The following FAAP20 variants were observed in gnomAD, a reference collection of about 807,000 sequenced individuals.
FAAP20 encodes the protein Fanconi anemia core complex-associated protein 20.
In FAAP20, 12 loss-of-function variants were observed where a neutral mutation model predicts 16.2. The ratio of observed to expected loss-of-function variants is 0.74; its 90% CI spans 0.48 to 1.20. The LOEUF (loss-of-function observed/expected upper bound fraction) is 1.20, where lower values mean the gene tolerates loss of function less well. FAAP20 is among the 50% of genes most tolerant of loss of function. The pLI, the probability that FAAP20 is intolerant of heterozygous loss-of-function variation, is 0.00. For missense variants in FAAP20, 288 were observed against 245.8 expected, an observed-to-expected ratio of 1.17 and a Z score of -1.15; for synonymous variants, 141 against 110.7, an observed-to-expected ratio of 1.27 and a Z score of -1.72.
chr1:2,208,119 C>A (rs568274225), downstream of FAAP20, among the ~76,000 whole-genome samples: 1 of 152,200 alleles, frequency 6.6e-6, no homozygotes, highest in Non-Finnish European at 1.5e-5. Context: ...GGAGGCTCAG[C>A]CCCTGCCTGG....
At chr1:2,203,525 G>T, upstream of FAAP20, 6 of 985,818 alleles carry the variant, frequency 6.1e-6, no homozygotes, top group Non-Finnish European at 7.2e-6. Context: ...CACCTGACAG[G>T]GAAGGTAGGC....
chr1:2,199,685 C>T (rs565469141), upstream of FAAP20: 1 of 957,064 alleles, frequency 1.0e-6, no homozygotes, highest in East Asian at 1.2e-4. The surrounding 1 kb of genome is among the most constrained non-coding windows in gnomAD (Gnocchi z 4.5). Flanking sequence ...AAAGTGGCCT[C>T]GCTCGGAAGC....
chr1:2,207,342 TG>T (rs889251190), downstream of FAAP20, among the ~76,000 whole-genome samples: 1 of 152,096 alleles, frequency 6.6e-6, no homozygotes, highest in African/African-American at 2.4e-5. Context: ...TAACTGGAGC[TG>T]GGAGAGGCTG....
At chr1:2,206,648 A>G (rs1355908475) in exon 2 of FAAP20, 8 of 152,264 alleles carry the variant, frequency 5.3e-5, no homozygotes, top group African/African-American at 1.7e-4. Flanking sequence ...CCTGGCTAAC[A>G]CGGTGAAACC....
At chr1:2,198,992 G>A, upstream of FAAP20, 1 of 1,282,962 alleles carries the variant, frequency 7.8e-7, no homozygotes, top group South Asian at 1.2e-5. Flanking sequence ...CACACATGGG[G>A]TGCAAGAGTA....
chr1:2,199,596 G>A (rs1329974420), upstream of FAAP20: 4 of 985,612 alleles, frequency 4.1e-6, no homozygotes, highest in Non-Finnish European at 3.6e-6. This position sits in a 1 kb window ranked among gnomAD's most constrained non-coding sequence, Gnocchi z 4.5. Context: ...TCTGGGGAAG[G>A]CAAGTCACAG....
At chr1:2,190,678 C>T (rs1688116821) in intron 3 of FAAP20, 1 of 338,478 alleles carries the variant, frequency 3.0e-6, no homozygotes, top group Admixed American at 3.8e-5. Flanking sequence ...TCAGCCTAGA[C>T]TTGGGCCTAG....
At chr1:2,189,994 G>C in intron 3 of FAAP20, 1 of 622,356 alleles carries the variant, frequency 1.6e-6, no homozygotes. Context: ...AGGAGGCCAC[G>C]CCAGGCCCCT....
chr1:2,193,647 G>C lies in FAAP20; in HGVS notation c.462C>G (p.Phe154Leu), dbSNP rs114983157. 150 of 1,596,390 alleles carry C rather than the reference G, an allele frequency of 9.4e-5. No individual in the cohort carries two copies. The African/African-American group carries it at 1.9e-3, about 20-fold the overall frequency. The change falls in exon 3 of 4, where the codon TTC becomes TTG. Residue 154 changes from phenylalanine to leucine, a missense_variant. Physicochemically the swap from Phe to Leu is conservative, Grantham distance 22. Coordinates refer to ENST00000378546, the MANE Select transcript of FAAP20 (RefSeq NM_182533.4). Reference protein sequence around the residue: ...LRSCPMCQKEFAPRLTQLDVD... With the variant: ...LRSCPMCQKELAPRLTQLDVD... ...AGGGGTGGCCTACTCACCTGGGGGC[G>C]AACTCCTTCTGGCACATGGGGCAGC...
At chr1:2,190,529 T>A (rs1572101907) in intron 3 of FAAP20, 1 of 415,958 alleles carries the variant, frequency 2.4e-6, no homozygotes, top group East Asian at 7.2e-5. Context: ...CGGCTGGAAA[T>A]GACCATCACC....
intron 3 of FAAP20, chr1:2,190,373 G>A (rs1251300518): frequency 3.3e-5 from 15 of 451,338 alleles, no homozygotes; most frequent in Non-Finnish European, 3.6e-5. Context: ...CGCTGGGATG[G>A]TGGCCGGCCA....
upstream of FAAP20, among the ~76,000 whole-genome samples, chr1:2,196,751 A>C (rs1040439933): frequency 5.3e-5 from 8 of 152,178 alleles, no homozygotes; most frequent in African/African-American, 1.9e-4. This position sits in a 1 kb window ranked among gnomAD's most constrained non-coding sequence, Gnocchi z 4.5. Flanking sequence ...GAGGCACGAA[A>C]ACCACCTGAG....
chr1:2,202,630 ATTTT>A (rs1482379647), upstream of FAAP20, among the ~76,000 whole-genome samples: 1 of 151,648 alleles, frequency 6.6e-6, no homozygotes, highest in East Asian at 1.9e-4. Flanking sequence ...CACCTGGTTA[ATTTT>A]TTGTTTTGTT....
chr1:2,207,545 C>T (rs1206238653), downstream of FAAP20: 1 of 152,324 alleles, frequency 6.6e-6, no homozygotes, highest in African/African-American at 2.4e-5. Flanking sequence ...CCCGGACTCC[C>T]ACTCACGCAC....
chr1:2,185,117 C>A, downstream of FAAP20: 1 of 1,099,400 alleles, frequency 9.1e-7, no homozygotes, highest in South Asian at 1.4e-5. Context: ...CGGCCAGGGA[C>A]AGACGCTTGC....
At chr1:2,204,374 C>G (rs997400718), upstream of FAAP20, among the ~76,000 whole-genome samples, 1 of 152,268 alleles carries the variant, frequency 6.6e-6, no homozygotes, top group African/African-American at 2.4e-5. Flanking sequence ...GATTTGCCCC[C>G]TTCTGGGACG....
At position 2,193,761 on chromosome 1, in the gene FAAP20, C is replaced by T. The variant is rs113380716; in HGVS notation, c.348G>A (p.Arg116=). The part of the protein sequence containing the change: ...GAGGHLESPA[R]SLPQRPAPDP... ...CAGGTGCCGGGCGCTGGGGCAGGGA[C>T]CTGGCGGGGGATTCCAGGTGCCCTC... is the stretch of plus-strand genomic sequence containing the variant. The change falls in exon 3 of 4, where the codon AGG becomes AGA. Residue 116 remains arginine, a synonymous_variant. Coordinates refer to ENST00000378546, the MANE Select transcript of FAAP20 (RefSeq NM_182533.4). 12 of 1,593,260 alleles carry T rather than the reference C, an allele frequency of 7.5e-6. No homozygotes were observed. The highest frequency in any genetic ancestry group is 4.1e-5 in the African/African-American group (3 of 73,566).
chr1:2,190,249 C>T (rs920462644), intron 3 of FAAP20: 1 of 457,116 alleles, frequency 2.2e-6, no homozygotes. Context: ...GTGTTTCTGG[C>T]GAGGAGGGAC....
At chr1:2,201,150 T>C (rs2100735483), upstream of FAAP20, 1 of 1,278,260 alleles carries the variant, frequency 7.8e-7, no homozygotes, top group East Asian at 5.7e-5. Context: ...TTGGTTTGCT[T>C]CAACTTTCTG....
Sources: gnomAD v4.1 joint callset for allele counts (sites outside exome capture counted in the v4.1 genomes callset) on GRCh38, gnomAD v4.1.1 for gene constraint, Gnocchi (gnomAD v3.1) non-coding constraint, MANE v1.5 for transcripts, NCBI Gene and HGNC (gene_info 2026-07-23, HGNC 2026-07-21) for gene names.